The following KIAA1958 variants were observed in gnomAD, a reference collection of about 807,000 sequenced individuals.
KIAA1958 encodes the protein KIAA1958.
KIAA1958 carries 14 observed loss-of-function variants against 47.2 expected under a neutral mutation model. The observed-to-expected ratio is 0.30, with a 90% CI of 0.20 to 0.46. The LOEUF is 0.46. Among genes scored for constraint, KIAA1958 ranks in the 20% least tolerant of loss-of-function variants. The pLI is 1.00. For missense variants in KIAA1958, 803 were observed against 909.2 expected, an observed-to-expected ratio of 0.88 and a Z score of 1.50; for synonymous variants, 354 against 353.3, an observed-to-expected ratio of 1.00 and a Z score of -0.02.
chr9:112,521,212 G>C (rs1564157678), intron 1 of KIAA1958, among the ~76,000 whole-genome samples: 1 of 152,006 alleles, frequency 6.6e-6, no homozygotes, highest in Non-Finnish European at 1.5e-5. Flanking sequence ...TGTTGTTGTT[G>C]TTGTTGTTGT....
intron 2 of KIAA1958, among the ~76,000 whole-genome samples, chr9:112,624,493 T>C (rs1295398054): frequency 1.3e-5 from 2 of 152,230 alleles, no homozygotes; most frequent in African/African-American, 2.4e-5. Flanking sequence ...ATTGCAGATA[T>C]CATTCTTTTG....
chr9:112,634,289 C>T lies in KIAA1958; in HGVS notation c.1172-11361C>T, dbSNP rs955310117. ...TGTTGCCCAAGCTGGAGTGCAGTGG[C>T]GCAATCTCGGCTCCCTGCAACCTCT... On this transcript the variant is annotated intron_variant, in intron 2 of 3. Coordinates refer to ENST00000337530, the MANE Select transcript of KIAA1958 (RefSeq NM_133465.4). Among the ~76,000 whole-genome samples, 11 of 152,236 alleles carry T rather than the reference C, an allele frequency of 7.2e-5. No homozygotes were observed. The East Asian group carries it at 1.5e-3, about 21-fold the overall frequency.
rs745805478 is a variant in KIAA1958 at position 112,560,198 on chromosome 9, C to CTTTT, written c.-24-13853_-24-13850dup. On this transcript the variant is annotated intron_variant, in intron 1 of 3. Coordinates refer to ENST00000337530, the MANE Select transcript of KIAA1958 (RefSeq NM_133465.4). ...TTGAAGCTGCTTTTTTTTTCTTTTT[C>CTTTT]TTTTTTTTTCTTTTTTTGAAGAGAT... is the stretch of plus-strand genomic sequence containing the variant. Among the ~76,000 whole-genome samples the CTTTT allele has an allele frequency of 1.6e-4, 17 of 108,660 alleles. 1 individual carries two copies. Among genetic ancestry groups the CTTTT allele is most frequent in the African/African-American group, 4.5e-4 (12 of 26,776 alleles). 71.3% of individuals were successfully genotyped at this position (108,660 alleles called of 152,430 possible). A position where few individuals can be genotyped will look rare whatever the true frequency, so the allele number is the denominator to read the frequency against.
intron 1 of KIAA1958, among the ~76,000 whole-genome samples, chr9:112,545,486 A>C (rs1212512974): frequency 6.6e-6 from 1 of 152,230 alleles, no homozygotes; most frequent in Non-Finnish European, 1.5e-5. Flanking sequence ...GTTATATGCC[A>C]TTCTATTAAA....
chr9:112,597,601 T>A (rs1236096195), intron 2 of KIAA1958, among the ~76,000 whole-genome samples: 1 of 152,168 alleles, frequency 6.6e-6, no homozygotes, highest in Non-Finnish European at 1.5e-5. Flanking sequence ...CCAAAACTTC[T>A]CCTCCTGCTC....
chr9:112,611,296 T>C (rs916874975), intron 2 of KIAA1958, among the ~76,000 whole-genome samples: 5 of 152,166 alleles, frequency 3.3e-5, no homozygotes, highest in Non-Finnish European at 7.4e-5. Context: ...TTACCATTTT[T>C]GCAAATGATG....
At chr9:112,555,519 A>G (rs1835225116) in intron 1 of KIAA1958, among the ~76,000 whole-genome samples, 1 of 152,194 alleles carries the variant, frequency 6.6e-6, no homozygotes, top group Non-Finnish European at 1.5e-5. Flanking sequence ...AAGAACAGAA[A>G]TTTATTTCTC....
intron 1 of KIAA1958, among the ~76,000 whole-genome samples, chr9:112,571,758 G>A (rs1279939537): frequency 4.1e-5 from 6 of 148,120 alleles, no homozygotes; most frequent in Non-Finnish European, 1.5e-5. Flanking sequence ...GACCAGCTTG[G>A]GCAACCTAGG....
chr9:112,593,552 G>A (rs2131192566), intron 2 of KIAA1958, among the ~76,000 whole-genome samples: 1 of 152,278 alleles, frequency 6.6e-6, no homozygotes, highest in African/African-American at 2.4e-5. Flanking sequence ...GAGGGGTGCA[G>A]TGGGACTATA....
At chr9:112,587,771 A>G (rs1186668299) in intron 2 of KIAA1958, among the ~76,000 whole-genome samples, 1 of 152,212 alleles carries the variant, frequency 6.6e-6, no homozygotes, top group African/African-American at 2.4e-5. Flanking sequence ...CTGAATAGTA[A>G]CAATGTCTCA....
At chr9:112,562,026 A>C (rs1835339711) in intron 1 of KIAA1958, among the ~76,000 whole-genome samples, 1 of 152,148 alleles carries the variant, frequency 6.6e-6, no homozygotes, top group Non-Finnish European at 1.5e-5. Flanking sequence ...TTTAGGAGTG[A>C]CTTGAGTCTA....
chr9:112,502,522 T>G (rs1165443234), intron 1 of KIAA1958, among the ~76,000 whole-genome samples: 1 of 152,250 alleles, frequency 6.6e-6, no homozygotes, highest in Non-Finnish European at 1.5e-5. Flanking sequence ...GCACCAGCCC[T>G]GTGTAAATGT....
At chr9:112,528,128 C>T (rs903523644) in intron 1 of KIAA1958, among the ~76,000 whole-genome samples, 10 of 152,036 alleles carry the variant, frequency 6.6e-5, no homozygotes, top group Middle Eastern at 6.3e-3. Context: ...CTGCCTAATC[C>T]CTGCCCCCAT....
At chr9:112,605,031 A>G (rs1283819023) in intron 2 of KIAA1958, among the ~76,000 whole-genome samples, 6 of 147,462 alleles carry the variant, frequency 4.1e-5, no homozygotes, top group Non-Finnish European at 9.0e-5. Context: ...ATGTTTATAT[A>G]CATTATGTAT....
At chr9:112,638,304 G>GAA (rs1836840045) in intron 2 of KIAA1958, among the ~76,000 whole-genome samples, 1 of 151,798 alleles carries the variant, frequency 6.6e-6, no homozygotes, top group Non-Finnish European at 1.5e-5. Flanking sequence ...CAGAAATTGA[G>GAA]ACCTCCCTGG....
rs141637401 is a variant in KIAA1958, at chr9:112,539,114, A to G, written c.-24-34943A>G. Among the ~76,000 whole-genome samples the G allele has an allele frequency of 9.2e-5, 14 of 152,344 alleles. No individual in the cohort carries two copies. In the East Asian group the frequency reaches 2.7e-3, roughly 29 times the overall value. On this transcript the variant is annotated intron_variant, in intron 1 of 3. Transcript: ENST00000337530. ...ACTAGTAGAAGTTTAAAATTATGCAACTGCTTTGGAAAACAGTCTAGCATT... is the reference window on the plus strand; with the variant it reads ...ACTAGTAGAAGTTTAAAATTATGCAGCTGCTTTGGAAAACAGTCTAGCATT...
At chr9:112,531,443 G>A (rs765705748) in intron 1 of KIAA1958, among the ~76,000 whole-genome samples, 5 of 151,990 alleles carry the variant, frequency 3.3e-5, no homozygotes, top group Non-Finnish European at 5.9e-5. Flanking sequence ...TAATAAGTAC[G>A]AATAAAAGAC....
At position 112,519,665 on chromosome 9, in the gene KIAA1958, G is replaced by A. The variant is rs1834504508; in HGVS notation, c.-25+32547G>A. On this transcript the variant is annotated intron_variant, in intron 1 of 3. Transcript: ENST00000337530. ...AGTGTAAGAGAGGCAAAATAGGCAT[G>A]CTGATTAGGAAAACAAATCCCAAAT... Among the ~76,000 whole-genome samples the A allele has an allele frequency of 2.6e-5, 4 of 152,146 alleles. No homozygotes were observed. The South Asian group carries it at 8.3e-4, about 31-fold the overall frequency.
chr9:112,540,146 G>A (rs1834916669), intron 1 of KIAA1958, among the ~76,000 whole-genome samples: 1 of 152,176 alleles, frequency 6.6e-6, no homozygotes, highest in African/African-American at 2.4e-5. Flanking sequence ...TGACATATGA[G>A]CATGGAATAA....
Sources: allele counts gnomAD v4.1 joint callset (sites outside exome capture counted in the v4.1 genomes callset), GRCh38; gene constraint gnomAD v4.1.1; transcripts MANE v1.5; gene names NCBI Gene and HGNC (gene_info 2026-07-23, HGNC 2026-07-21).